PPP3CA: variants seen among roughly 807,000 people sequenced by gnomAD.
PPP3CA encodes protein phosphatase 3 catalytic subunit alpha.
A neutral mutation model predicts 66.5 loss-of-function variants in PPP3CA; 14 were observed. The ratio of observed to expected loss-of-function variants is 0.21; its 90% CI spans 0.14 to 0.33. The LOEUF (loss-of-function observed/expected upper bound fraction) is 0.33. Ranked by LOEUF, PPP3CA falls within the 10% of genes least tolerant of loss-of-function variation. PPP3CA has a pLI of 1.00. For synonymous variants in PPP3CA, 232 were observed against 226.2 expected, an observed-to-expected ratio of 1.03 and a Z score of -0.23; for missense variants, 317 against 639.5, an observed-to-expected ratio of 0.50 and a Z score of 5.44.
rs373794345 is a variant in PPP3CA at position 101,249,003 on chromosome 4, A to G, written c.59-52887T>C. ...GTGAAACCCCGTCTCTACTAAAAATACAAAAAATTAGCCGGGCGCGGTGGC... is the reference window on the plus strand; with the variant it reads ...GTGAAACCCCGTCTCTACTAAAAATGCAAAAAATTAGCCGGGCGCGGTGGC... On this transcript the variant is annotated intron_variant, in intron 1 of 13. Coordinates refer to ENST00000394854, the MANE Select transcript of PPP3CA (RefSeq NM_000944.5). 1.3e-3 allele frequency among the ~76,000 whole-genome samples: 197 copies of G among 151,686 alleles called. 1 individual carries two copies. The highest frequency in any genetic ancestry group is 4.5e-3 in the African/African-American group (187 of 41,370).
chr4:101,048,123 T>C (rs888355364), intron 10 of PPP3CA, among the ~76,000 whole-genome samples: 16 of 152,126 alleles, frequency 1.1e-4, no homozygotes, highest in Non-Finnish European at 1.5e-5. Context: ...ATAGTGACTA[T>C]GTCTAAGGAG....
At chr4:101,328,444 A>G (rs1729272136) in intron 1 of PPP3CA, among the ~76,000 whole-genome samples, 2 of 152,228 alleles carry the variant, frequency 1.3e-5, no homozygotes, top group African/African-American at 4.8e-5. Flanking sequence ...ATTTGCATCT[A>G]AAATGTTACA....
chr4:101,047,579 T>C (rs1157233393), intron 10 of PPP3CA, among the ~76,000 whole-genome samples: 1 of 152,110 alleles, frequency 6.6e-6, no homozygotes, highest in Admixed American at 6.6e-5. Flanking sequence ...AGTTCCACTT[T>C]AAATTTCCCC....
chr4:101,063,333 T>C lies in PPP3CA; in HGVS notation c.980A>G (p.Asn327Ser). Residue 327 changes from asparagine (N) to serine (S), a missense_variant, in exon 9 of 14, where the codon AAT becomes AGT. Asn to Ser is a conservative substitution (Grantham distance 46). This residue lies in a region of PPP3CA where 201 missense variants were observed against 501.4 expected (regional missense o/e 0.40). Transcript: ENST00000394854. ...NKAAVLKYENNVMNIRQFNCS... is the reference protein window; with the variant it reads ...NKAAVLKYENSVMNIRQFNCS... ...GTTGAATTGCCTGATATTCATAACA[T>C]TGTTCTCATACTTCAATACTGCAGC... is the stretch of plus-strand genomic sequence containing the variant. 1 of 1,610,520 alleles carries C rather than the reference T, an allele frequency of 6.2e-7. No individual in the cohort carries two copies. Among genetic ancestry groups the C allele is most frequent in the Non-Finnish European group, 8.5e-7 (1 of 1,177,892 alleles).
At chr4:101,079,769 T>C (rs1245881013) in intron 8 of PPP3CA, among the ~76,000 whole-genome samples, 3 of 152,222 alleles carry the variant, frequency 2.0e-5, no homozygotes, top group African/African-American at 7.2e-5. Flanking sequence ...AATAAAGAGA[T>C]TACATTTATG....
chr4:101,182,880 C>T (rs1724286836), intron 2 of PPP3CA, among the ~76,000 whole-genome samples: 1 of 152,078 alleles, frequency 6.6e-6, no homozygotes, highest in Non-Finnish European at 1.5e-5. Flanking sequence ...CCTGCACAAG[C>T]TCTCTCTTTG....
intron 2 of PPP3CA, among the ~76,000 whole-genome samples, chr4:101,145,027 C>A (rs865924214): frequency 6.6e-6 from 1 of 152,106 alleles, no homozygotes; most frequent in Admixed American, 6.5e-5. Context: ...TATTTTCTTT[C>A]CTAGTCTAGT....
intron 1 of PPP3CA, among the ~76,000 whole-genome samples, chr4:101,224,952 C>T (rs1013711352): frequency 2.6e-5 from 4 of 151,706 alleles, no homozygotes; most frequent in Non-Finnish European, 5.9e-5. Flanking sequence ...CCACCTATTT[C>T]ACTCTGCACC....
At chr4:101,082,339 G>A (rs977211749) in intron 7 of PPP3CA, among the ~76,000 whole-genome samples, 4 of 152,126 alleles carry the variant, frequency 2.6e-5, no homozygotes, top group Admixed American at 6.5e-5. Flanking sequence ...TCATAGACAT[G>A]GGCCTCCTTC....
intron 1 of PPP3CA, among the ~76,000 whole-genome samples, chr4:101,260,776 C>G (rs1726987172): frequency 1.3e-5 from 2 of 152,114 alleles, no homozygotes; most frequent in Non-Finnish European, 2.9e-5. Flanking sequence ...CAGTCATTAT[C>G]ATCAGGTAAA....
intron 1 of PPP3CA, among the ~76,000 whole-genome samples, chr4:101,339,301 C>G (rs1231225254): frequency 6.6e-6 from 1 of 152,142 alleles, no homozygotes; most frequent in Admixed American, 6.6e-5. Context: ...CTAAAATACA[C>G]AAATCATCCA....
intron 2 of PPP3CA, among the ~76,000 whole-genome samples, chr4:101,153,995 AGCCCATG>A (rs1302138805): frequency 3.3e-5 from 5 of 152,268 alleles, no homozygotes; most frequent in Non-Finnish European, 7.3e-5. Context: ...TATTAAATAA[AGCCCATG>A]GCCACTTTTA....
At chr4:101,048,071 T>C (rs908593727) in intron 10 of PPP3CA, among the ~76,000 whole-genome samples, 2 of 152,080 alleles carry the variant, frequency 1.3e-5, no homozygotes, top group Non-Finnish European at 2.9e-5. Flanking sequence ...ATGTCTCTTT[T>C]TGTGTGTGCC....
At chr4:101,154,924 C>T (rs1170902608) in intron 2 of PPP3CA, among the ~76,000 whole-genome samples, 1 of 146,374 alleles carries the variant, frequency 6.8e-6, no homozygotes, top group Non-Finnish European at 1.5e-5. Flanking sequence ...TCAAGCGATT[C>T]TCCTACCTCA....
At chr4:101,183,654 T>A (rs1026703926) in intron 2 of PPP3CA, among the ~76,000 whole-genome samples, 1 of 152,146 alleles carries the variant, frequency 6.6e-6, no homozygotes, top group Non-Finnish European at 1.5e-5. Context: ...TAGAAAAAAA[T>A]TTTGATTCTC....
chr4:101,276,151 T>C (rs1038624818), intron 1 of PPP3CA, among the ~76,000 whole-genome samples: 3 of 152,120 alleles, frequency 2.0e-5, no homozygotes, highest in Non-Finnish European at 2.9e-5. Context: ...TGCCTCAGCT[T>C]CCCAGAGCAC....
At chr4:101,186,722 T>C (rs1434828683) in intron 2 of PPP3CA, among the ~76,000 whole-genome samples, 2 of 152,138 alleles carry the variant, frequency 1.3e-5, no homozygotes, top group Non-Finnish European at 2.9e-5. Flanking sequence ...AGGAACTATC[T>C]GCACACTCTG....
intron 7 of PPP3CA, among the ~76,000 whole-genome samples, chr4:101,082,250 TCCGTTCACA>T (rs1203102628): frequency 6.6e-6 from 1 of 152,216 alleles, no homozygotes; most frequent in African/African-American, 2.4e-5. Flanking sequence ...TAACACTGGA[TCCGTTCACA>T]CCTGTTGACT....
At chr4:101,156,499 G>A (rs904127395) in intron 2 of PPP3CA, among the ~76,000 whole-genome samples, 1 of 152,158 alleles carries the variant, frequency 6.6e-6, no homozygotes, top group African/African-American at 2.4e-5. Context: ...TGACCAACAT[G>A]GAGAAACCCC....
Sources: allele counts gnomAD v4.1 joint callset (sites outside exome capture counted in the v4.1 genomes callset), GRCh38; gene constraint gnomAD v4.1.1; regional missense constraint gnomAD v4.1.1; transcripts MANE v1.5; gene names NCBI Gene and HGNC (gene_info 2026-07-23, HGNC 2026-07-21).